IL20RB: variants seen among roughly 807,000 people sequenced by gnomAD.
IL20RB encodes interleukin-20 receptor subunit beta.
In IL20RB, 21 loss-of-function variants were observed where a neutral mutation model predicts 33.3. That is an observed-to-expected ratio of 0.63 (90% CI 0.45 to 0.91). IL20RB has a LOEUF of 0.91. Among genes scored for constraint, IL20RB ranks in the 40% least tolerant of loss-of-function variants. The pLI is 0.00. For missense variants in IL20RB, 345 were observed against 384.8 expected (o/e 0.90, Z 0.86); for synonymous variants, 147 against 146.8 (o/e 1.00, Z -0.01).
intron 6 of IL20RB, among the ~76,000 whole-genome samples, chr3:137,000,411 G>A (rs1442615292): frequency 6.6e-6 from 1 of 152,170 alleles, no homozygotes; most frequent in African/African-American, 2.4e-5. Flanking sequence ...ACCAGTCTCT[G>A]TTTTTTGGCT....
chr3:136,977,587 G>A (rs1363171374), intron 1 of IL20RB, among the ~76,000 whole-genome samples: 1 of 151,814 alleles, frequency 6.6e-6, no homozygotes, highest in African/African-American at 2.4e-5. Context: ...GTGCGGTGGT[G>A]CAATCTCAAC....
rs757839951 is a variant in IL20RB, at chr3:136,980,372, G to A, written c.89-94G>A. ...GCAATCTCAGCTTACTGCAACCTCC[G>A]CCAGTGAGGCCCTTCATTAGACACT... On this transcript the variant is annotated intron_variant, in intron 1 of 6. Transcript: ENST00000329582. 1.4e-5 allele frequency: 20 copies of A among 1,452,216 alleles called. 1 individual carries two copies. Among genetic ancestry groups the A allele is most frequent in the Middle Eastern group, 1.8e-4 (1 of 5,608 alleles). The allele number at this position is 1,452,216 out of a possible 1,614,324, so 90.0% of individuals were successfully genotyped here.
chr3:136,960,320 G>A (rs1941184076), intron 1 of IL20RB, among the ~76,000 whole-genome samples: 1 of 151,750 alleles, frequency 6.6e-6, no homozygotes, highest in African/African-American at 2.4e-5. Flanking sequence ...GCTAATTTTT[G>A]TATTTTTAGT....
Position 137,010,263 on chromosome 3 carries a change from G to A in IL20RB, c.*40G>A. 3.3e-6 allele frequency: 3 copies of A among 919,548 alleles called. No individual in the cohort carries two copies. The Admixed American group carries it at 5.3e-5, about 16-fold the overall frequency. 57.0% of individuals were successfully genotyped at this position (919,548 alleles called of 1,614,324 possible). On this transcript the variant is annotated 3_prime_UTR_variant, in exon 7 of 7. Coordinates refer to ENST00000329582, the MANE Select transcript of IL20RB (RefSeq NM_144717.4). ...CCAGGTGAAGCCGAGAACCTGGTCT[G>A]CATGACATGGAAACCATGAGGGGAC...
chr3:136,971,703 A>G (rs1560066767), intron 1 of IL20RB, among the ~76,000 whole-genome samples: 2 of 152,204 alleles, frequency 1.3e-5, no homozygotes, highest in South Asian at 2.1e-4. Flanking sequence ...TCCATTGTGT[A>G]TATGTACCAC....
intron 4 of IL20RB, among the ~76,000 whole-genome samples, chr3:136,991,179 A>T (rs1387564964): frequency 6.6e-6 from 1 of 152,212 alleles, no homozygotes; most frequent in Non-Finnish European, 1.5e-5. Context: ...ATTCCTTGGC[A>T]GCAGTGGCCA....
At chr3:136,986,976 G>A (rs992004932) in intron 3 of IL20RB, among the ~76,000 whole-genome samples, 2 of 151,578 alleles carry the variant, frequency 1.3e-5, no homozygotes, top group African/African-American at 4.9e-5. Context: ...TGGTGGGCTC[G>A]TGGTCTCGCT....
intron 6 of IL20RB, among the ~76,000 whole-genome samples, chr3:137,007,117 T>C (rs998771853): frequency 1.3e-5 from 2 of 152,134 alleles, no homozygotes; most frequent in African/African-American, 4.8e-5. Flanking sequence ...ACAGCAAATA[T>C]TGCAGAACAG....
At chr3:136,983,423 C>T (rs1345939389) in intron 3 of IL20RB, among the ~76,000 whole-genome samples, 1 of 152,130 alleles carries the variant, frequency 6.6e-6, no homozygotes, top group Admixed American at 6.6e-5. Context: ...ACTCTGGCTG[C>T]TGTGTGGAAA....
chr3:136,962,329 G>A (rs2108171066), intron 1 of IL20RB, among the ~76,000 whole-genome samples: 1 of 152,280 alleles, frequency 6.6e-6, no homozygotes, highest in East Asian at 1.9e-4. Context: ...CCAGTAATAA[G>A]ACGTATTGAT....
chr3:136,997,000 C>T (rs1942142987), intron 6 of IL20RB, among the ~76,000 whole-genome samples: 2 of 151,966 alleles, frequency 1.3e-5, no homozygotes. Context: ...TGGTATTGTT[C>T]AGATCATCTT....
chr3:136,970,632 TTCCTTCCTTCCTTCC>T (rs1941452887), intron 1 of IL20RB, among the ~76,000 whole-genome samples: 1 of 57,962 alleles, frequency 1.7e-5, no homozygotes, highest in Non-Finnish European at 3.3e-5. Context: ...CCTTCCTTCC[TTCCTTCCTTCCTTCC>T]TTCCTTCCTT....
chr3:136,958,346 C>T, intron 1 of IL20RB, 145 bp downstream of exon 1: 1 of 549,688 alleles, frequency 1.8e-6, no homozygotes, highest in Non-Finnish European at 3.2e-6. Flanking sequence ...ACCTCCTAAA[C>T]CTCTATTCCC....
At chr3:136,960,993 T>C (rs1324535233) in intron 1 of IL20RB, among the ~76,000 whole-genome samples, 1 of 152,208 alleles carries the variant, frequency 6.6e-6, no homozygotes, top group Non-Finnish European at 1.5e-5. Flanking sequence ...CCTGGAAAGG[T>C]TGCCCCAGGG....
chr3:136,963,730 A>C (rs1404303078), intron 1 of IL20RB, among the ~76,000 whole-genome samples: 3 of 116,926 alleles, frequency 2.6e-5, no homozygotes, highest in African/African-American at 3.4e-5. Context: ...TTTAGGGTAC[A>C]TGTGCACATT....
intron 6 of IL20RB, among the ~76,000 whole-genome samples, chr3:136,999,097 T>A (rs116339610): frequency 0.018 from 2,750 of 152,180 alleles, 47 homozygotes; most frequent in African/African-American, 0.043. Flanking sequence ...AGCCTTTTTT[T>A]TTCTTTTTAT....
chr3:136,987,851 GGGGCCGGCA>G (rs998085597), intron 3 of IL20RB, among the ~76,000 whole-genome samples: 3 of 152,140 alleles, frequency 2.0e-5, no homozygotes, highest in African/African-American at 7.2e-5. Flanking sequence ...CCTCATTGCC[GGGGCCGGCA>G]GGGCCGGCCG....
At chr3:136,988,101 G>T (rs1051898342) in intron 3 of IL20RB, among the ~76,000 whole-genome samples, 1 of 152,214 alleles carries the variant, frequency 6.6e-6, no homozygotes, top group Non-Finnish European at 1.5e-5. Flanking sequence ...CAGAGGACGC[G>T]CCCAGAGTGA....
chr3:137,005,789 G>T (rs2107724262), intron 6 of IL20RB, among the ~76,000 whole-genome samples: 1 of 152,298 alleles, frequency 6.6e-6, no homozygotes, highest in Admixed American at 6.5e-5. Flanking sequence ...TGTTATGTGT[G>T]AATTTGATCC....
Sources: gnomAD v4.1 joint callset for allele counts (sites outside exome capture counted in the v4.1 genomes callset) on GRCh38, gnomAD v4.1.1 for gene constraint, MANE v1.5 for transcripts, NCBI Gene and HGNC (gene_info 2026-07-23, HGNC 2026-07-21) for gene names.